ELMO1: variants seen among roughly 807,000 people sequenced by gnomAD.
ELMO1 encodes the protein engulfment and cell motility protein 1.
In ELMO1, 26 loss-of-function variants were observed where a neutral mutation model predicts 98.9. The ratio of observed to expected loss-of-function variants is 0.26; its 90% CI spans 0.19 to 0.36. The LOEUF (loss-of-function observed/expected upper bound fraction) is 0.36, where lower values mean the gene tolerates loss of function less well. ELMO1 is among the 10% of genes least tolerant of loss of function. The pLI is 1.00. For missense variants in ELMO1, 627 were observed against 935.2 expected (o/e 0.67, Z 4.30); for synonymous variants, 346 against 346.0 (o/e 1.00, Z 0.00).
intron 8 of ELMO1, 152 bp downstream of exon 8, chr7:37,232,943 G>T: frequency 1.4e-6 from 1 of 693,442 alleles, no homozygotes; most frequent in Non-Finnish European, 2.3e-6. Flanking sequence ...TGGGTTTCCT[G>T]ACCCCCACAT....
intron 16 of ELMO1, among the ~76,000 whole-genome samples, chr7:36,918,533 C>G (rs1784886930): frequency 1.3e-5 from 2 of 152,142 alleles, no homozygotes; most frequent in South Asian, 4.1e-4. Context: ...CAGGCCCAAT[C>G]CACTCGTTCC....
intron 7 of ELMO1, among the ~76,000 whole-genome samples, chr7:37,239,866 T>C (rs964158648): frequency 1.3e-5 from 2 of 152,182 alleles, no homozygotes; most frequent in African/African-American, 4.8e-5. Flanking sequence ...AAAGCTGCTA[T>C]GAATCTGGAA....
chr7:37,277,026 T>G (rs1796875372), intron 4 of ELMO1, among the ~76,000 whole-genome samples: 2 of 152,234 alleles, frequency 1.3e-5, no homozygotes, highest in Admixed American at 1.3e-4. Context: ...GTTTATTATG[T>G]CTATATCACT....
intron 15 of ELMO1, among the ~76,000 whole-genome samples, chr7:37,086,158 C>T (rs1469779316): frequency 1.3e-5 from 2 of 152,240 alleles, no homozygotes; most frequent in East Asian, 1.9e-4. Flanking sequence ...CCTCCACAGC[C>T]CTCCCGGGCA....
intron 13 of ELMO1, among the ~76,000 whole-genome samples, chr7:37,189,016 G>A (rs1791415413): frequency 6.6e-6 from 1 of 152,150 alleles, no homozygotes; most frequent in Non-Finnish European, 1.5e-5. Flanking sequence ...CCTGAACCAA[G>A]GAACTGTGCT....
intron 15 of ELMO1, among the ~76,000 whole-genome samples, chr7:37,015,049 T>G (rs975267319): frequency 6.6e-5 from 10 of 152,186 alleles, no homozygotes. Flanking sequence ...AATTTCAGAC[T>G]TCTTAACAGT....
intron 13 of ELMO1, among the ~76,000 whole-genome samples, chr7:37,154,743 G>C (rs1008576035): frequency 1.3e-5 from 2 of 152,178 alleles, no homozygotes; most frequent in African/African-American, 4.8e-5. Context: ...CACTCTGCAG[G>C]ATATTACCCA....
chr7:37,385,368 G>A (rs1328888835), intron 1 of ELMO1, among the ~76,000 whole-genome samples: 1 of 152,134 alleles, frequency 6.6e-6, no homozygotes, highest in Non-Finnish European at 1.5e-5. Context: ...CACTGGCCCT[G>A]CTATTCCCCA....
chr7:37,315,907 G>T lies in ELMO1; in HGVS notation c.119+13C>A. 1 of 1,595,484 alleles carries T rather than the reference G, an allele frequency of 6.3e-7. No individual in the cohort carries two copies. The highest frequency in any genetic ancestry group is 8.5e-7 in the Non-Finnish European group (1 of 1,173,556). On this transcript the variant is annotated intron_variant, in intron 3 of 21. Coordinates refer to ENST00000310758, the MANE Select transcript of ELMO1 (RefSeq NM_014800.11). ...AACTAGAATGCCTTAGATAAATCCT[G>T]AGTAACACTTACCCATCACAGACTT...
intron 15 of ELMO1, among the ~76,000 whole-genome samples, chr7:37,085,643 T>C (rs1186089000): frequency 1.3e-5 from 2 of 151,964 alleles, no homozygotes; most frequent in African/African-American, 4.8e-5. Context: ...ATTACTGCTT[T>C]GGAAAAAAAA....
Position 37,044,778 on chromosome 7 carries a change from A to G in ELMO1, c.1301-31343T>C, listed in dbSNP as rs1358038082. Among the ~76,000 whole-genome samples, 6 of 152,106 alleles carry G rather than the reference A, an allele frequency of 3.9e-5. No individual in the cohort carries two copies. In the East Asian group the frequency reaches 1.2e-3, roughly 29 times the overall value. ...TTCTCATGTCTCACAGAAATCTCAA[A>G]TGTAACATCCAAGCCTGGATGTTTG... On this transcript the variant is annotated intron_variant, in intron 15 of 21. Coordinates refer to ENST00000310758, the MANE Select transcript of ELMO1 (RefSeq NM_014800.11).
intron 16 of ELMO1, among the ~76,000 whole-genome samples, chr7:37,011,525 C>CAAT (rs1793558415): frequency 6.6e-6 from 1 of 152,214 alleles, no homozygotes; most frequent in Non-Finnish European, 1.5e-5. Context: ...AGATCAACAA[C>CAAT]AATAATATCT....
intron 15 of ELMO1, among the ~76,000 whole-genome samples, chr7:37,057,680 T>C (rs893404816): frequency 3.3e-5 from 5 of 152,214 alleles, no homozygotes; most frequent in African/African-American, 1.2e-4. Context: ...TCAACGCAGA[T>C]GTGTGCATGT....
At chr7:37,432,900 A>C (rs984717650) in intron 1 of ELMO1, among the ~76,000 whole-genome samples, 1 of 152,268 alleles carries the variant, frequency 6.6e-6, no homozygotes, top group Non-Finnish European at 1.5e-5. Flanking sequence ...GAGAATTATA[A>C]GTAGACAAGC....
chr7:37,315,550 T>C (rs956248795), intron 3 of ELMO1, among the ~76,000 whole-genome samples: 7 of 152,222 alleles, frequency 4.6e-5, no homozygotes, highest in African/African-American at 1.7e-4. Flanking sequence ...GCCTTGTCTG[T>C]TCAATTCTTT....
chr7:37,155,503 A>AAAATAAAAAAAT (rs1554427528), intron 13 of ELMO1, among the ~76,000 whole-genome samples: 14 of 131,778 alleles, frequency 1.1e-4, no homozygotes, highest in Non-Finnish European at 1.8e-4. Context: ...AAAAAAAAAA[A>AAAATAAAAAAAT]AAAAAGCAGG....
intron 14 of ELMO1, among the ~76,000 whole-genome samples, chr7:37,112,001 C>T (rs973143613): frequency 1.3e-5 from 2 of 152,080 alleles, no homozygotes; most frequent in African/African-American, 2.4e-5. Flanking sequence ...GATGGTCCCA[C>T]CAGGTCAAGG....
intron 15 of ELMO1, among the ~76,000 whole-genome samples, chr7:37,062,891 A>G (rs997926703): frequency 2.0e-5 from 3 of 152,158 alleles, no homozygotes; most frequent in African/African-American, 7.2e-5. Flanking sequence ...ACTGCAGGCT[A>G]CTTTCCAGGA....
chr7:37,077,231 G>A (rs1274856799), intron 15 of ELMO1, among the ~76,000 whole-genome samples: 3 of 152,236 alleles, frequency 2.0e-5, no homozygotes, highest in African/African-American at 7.2e-5. Context: ...AATACAGTGT[G>A]AGATGTGCCT....
Sources: gnomAD v4.1 joint callset for allele counts (sites outside exome capture counted in the v4.1 genomes callset) on GRCh38, gnomAD v4.1.1 for gene constraint, MANE v1.5 for transcripts, NCBI Gene and HGNC (gene_info 2026-07-23, HGNC 2026-07-21) for gene names.